Variants in ZC3H11A observed in about 807,000 individuals in gnomAD.
ZC3H11A encodes the protein zinc finger CCCH domain-containing protein 11A.
ZC3H11A carries 22 observed loss-of-function variants against 90.8 expected under a neutral mutation model. The observed-to-expected ratio is 0.24, with a 90% CI of 0.17 to 0.35. The LOEUF (loss-of-function observed/expected upper bound fraction) is 0.35, where lower values mean the gene tolerates loss of function less well. ZC3H11A is among the 10% of genes least tolerant of loss of function. ZC3H11A has a pLI of 1.00. For synonymous variants in ZC3H11A, 294 were observed against 339.8 expected (o/e 0.87, Z 1.48); for missense variants, 701 against 964.9 (o/e 0.73, Z 3.62).
Position 203,848,017 on chromosome 1 carries a change from C to G in ZC3H11A, c.1547-314C>G, listed in dbSNP as rs530952692. Reference sequence around the variant, plus strand: ...GCTACAGACATGTGCCACCACACCCCGCTAATTTTTGTATTTTTAATAGAG... The same window carrying G: ...GCTACAGACATGTGCCACCACACCCGGCTAATTTTTGTATTTTTAATAGAG... On this transcript the variant is annotated intron_variant, in intron 13 of 17. Coordinates refer to ENST00000367210, the MANE Select transcript of ZC3H11A (RefSeq NM_001376342.1). Among the ~76,000 whole-genome samples, 3 of 152,060 alleles carry G rather than the reference C, an allele frequency of 2.0e-5. No individual in the cohort carries two copies. In the East Asian group the frequency reaches 5.8e-4, roughly 30 times the overall value.
intron 4 of ZC3H11A, among the ~76,000 whole-genome samples, chr1:203,821,065 C>G (rs1346671763): frequency 1.3e-5 from 2 of 152,108 alleles, no homozygotes; most frequent in African/African-American, 2.4e-5. Flanking sequence ...ATCGTAATCC[C>G]CATGTGTTAA....
intron 3 of ZC3H11A, 27 bp from the exon 4 acceptor site, chr1:203,818,543 A>G: frequency 6.2e-7 from 1 of 1,613,680 alleles, no homozygotes. Context: ...CAATGCTACA[A>G]ATAGAGTGTT....
intron 17 of ZC3H11A, 69 bp from the exon 18 acceptor site, chr1:203,852,072 G>A (rs7512877): frequency 1 from 1,588,870 of 1,594,868 alleles, 791,631 homozygotes; most frequent in Non-Finnish European, 1. Context: ...CTTTGTGTCC[G>A]TGAGACTAGG....
chr1:203,827,937 G>T (rs962890485), intron 4 of ZC3H11A, among the ~76,000 whole-genome samples: 1 of 152,202 alleles, frequency 6.6e-6, no homozygotes, highest in Non-Finnish European at 1.5e-5. Flanking sequence ...TTAGAGGCAT[G>T]AATTATCCAA....
intron 4 of ZC3H11A, among the ~76,000 whole-genome samples, chr1:203,823,462 A>G (rs941999847): frequency 1.2e-4 from 19 of 152,348 alleles, no homozygotes; most frequent in African/African-American, 4.3e-4. Context: ...ATGTACCCAA[A>G]TTCCAGACTC....
chr1:203,804,116 G>T (rs903495854), intron 2 of ZC3H11A, among the ~76,000 whole-genome samples: 2 of 149,470 alleles, frequency 1.3e-5, no homozygotes, highest in Non-Finnish European at 3.0e-5. Context: ...TTTAATGTGG[G>T]TCTTGCATAC....
intron 2 of ZC3H11A, among the ~76,000 whole-genome samples, chr1:203,811,781 G>T (rs1337433930): frequency 2.0e-5 from 3 of 149,840 alleles, no homozygotes; most frequent in Non-Finnish European, 4.4e-5. Context: ...TTCCTTTGTT[G>T]CATATATGTC....
chr1:203,850,467 A>G (rs758886716), intron 15 of ZC3H11A, 48 bp from the exon 16 acceptor site: 2 of 1,603,604 alleles, frequency 1.2e-6, no homozygotes, highest in Non-Finnish European at 1.7e-6. Context: ...TTCCCCATTT[A>G]AAAGAGTCTA....
chr1:203,833,618 GT>G (rs553171669), intron 9 of ZC3H11A, among the ~76,000 whole-genome samples, 172 bp from the exon 10 acceptor site: 68,787 of 124,790 alleles, frequency 0.55, 18,197 homozygotes, highest in Middle Eastern at 0.68. Flanking sequence ...ATAGGTTTGG[GT>G]TTTTTTTTTT....
At chr1:203,806,075 A>G (rs1213824544) in intron 2 of ZC3H11A, 1 of 508,926 alleles carries the variant, frequency 2.0e-6, no homozygotes, top group Non-Finnish European at 3.9e-6. Context: ...AAAACTCGCA[A>G]GGCTTTCTGC....
rs531333306 is a variant in ZC3H11A, at chr1:203,844,729, A to G, written c.1043-2455A>G. Among the ~76,000 whole-genome samples, 7 of 152,194 alleles carry G rather than the reference A, an allele frequency of 4.6e-5. No individual in the cohort carries two copies. In the South Asian group the frequency reaches 1.4e-3, roughly 32 times the overall value. On this transcript the variant is annotated intron_variant, in intron 12 of 17. Coordinates refer to ENST00000367210, the MANE Select transcript of ZC3H11A (RefSeq NM_001376342.1). ...AACAGGCAGCTTGTATGGACTGAAG[A>G]TGGGAGGTCTGGGGGCTCATACAAT...
chr1:203,799,373 T>G (rs1354319250), intron 1 of ZC3H11A: 1 of 703,670 alleles, frequency 1.4e-6, no homozygotes, highest in African/African-American at 1.7e-5. Context: ...ATCATTTTAG[T>G]CATTCGGTCA....
intron 1 of ZC3H11A, chr1:203,796,616 G>A (rs982808301): frequency 2.5e-6 from 1 of 395,870 alleles, no homozygotes; most frequent in Non-Finnish European, 4.4e-6. Context: ...ATGTATGTAG[G>A]TATTGGGGGA....
chr1:203,822,442 C>G (rs963908454), intron 4 of ZC3H11A, among the ~76,000 whole-genome samples: 1 of 151,974 alleles, frequency 6.6e-6, no homozygotes, highest in South Asian at 2.1e-4. Flanking sequence ...CCAACACGAT[C>G]CCTATAATGG....
In ZC3H11A at chr1:203,801,900, A is replaced by T. The variant is rs1411562063; in HGVS notation, c.-1262A>T. 6.6e-6 allele frequency: 1 copy of T among 152,500 alleles called. No homozygotes were observed. The highest frequency in any genetic ancestry group is 1.5e-5 in the Non-Finnish European group (1 of 68,012). The allele number at this position is 152,500 out of a possible 1,614,324, so 9.4% of individuals were successfully genotyped here. A position where few individuals can be genotyped will look rare whatever the true frequency, so the allele number is the denominator to read the frequency against. On this transcript the variant is annotated 5_prime_UTR_variant, in exon 2 of 18. Coordinates refer to ENST00000367210, the MANE Select transcript of ZC3H11A (RefSeq NM_001376342.1). ...ACTCCAAAAGTTTACCCTTTTACTA[A>T]CTGGAGTAAATGTATACTTACAAAG...
intron 10 of ZC3H11A, chr1:203,835,521 TTTTG>T (rs1438491458): frequency 1.2e-5 from 2 of 160,064 alleles, no homozygotes; most frequent in Non-Finnish European, 2.8e-5. Flanking sequence ...AGTATTTTAT[TTTTG>T]TTTATTTATT....
In ZC3H11A at chr1:203,842,232, G is replaced by C. The variant is rs533176813; in HGVS notation, c.1042+1858G>C. Among the ~76,000 whole-genome samples the C allele has an allele frequency of 3.7e-3, 566 of 152,302 alleles. 4 individuals are homozygous for C. The highest frequency in any genetic ancestry group is 0.013 in the African/African-American group (545 of 41,564). On this transcript the variant is annotated intron_variant, in intron 12 of 17. Transcript: ENST00000367210. ...GCAGAGGCTGCAATCTCAGCACTTT[G>C]GGAGGCAAGGCAGGCGGCTGGGAGG...
chr1:203,830,261 AC>A, intron 8 of ZC3H11A, 58 bp downstream of exon 8: 1 of 1,374,930 alleles, frequency 7.3e-7, no homozygotes, highest in Non-Finnish European at 1.0e-6. Flanking sequence ...AATACTAAGG[AC>A]GCTTCTAGAA....
At chr1:203,806,431 A>T (rs1672371163) in intron 2 of ZC3H11A, among the ~76,000 whole-genome samples, 1 of 151,944 alleles carries the variant, frequency 6.6e-6, no homozygotes, top group African/African-American at 2.4e-5. Flanking sequence ...CCTGCTGAGT[A>T]GCTGGGATTA....
Sources: allele counts gnomAD v4.1 joint callset (sites outside exome capture counted in the v4.1 genomes callset), GRCh38; gene constraint gnomAD v4.1.1; transcripts MANE v1.5; gene names NCBI Gene and HGNC (gene_info 2026-07-23, HGNC 2026-07-21).